Variants in ADGRV1 observed in about 807,000 individuals in gnomAD.
ADGRV1 encodes the protein adhesion G protein-coupled receptor V1, also known as G-protein coupled receptor 98.
In ADGRV1, 359 loss-of-function variants were observed where a neutral mutation model predicts 596.2. That is an observed-to-expected ratio of 0.60 (90% CI 0.55 to 0.66). ADGRV1 has a LOEUF of 0.66. Among genes scored for constraint, ADGRV1 ranks in the 30% least tolerant of loss-of-function variants. The pLI is 0.00. For synonymous variants in ADGRV1, 2,681 were observed against 2,679.2 expected, an observed-to-expected ratio of 1.00 and a Z score of -0.02; for missense variants, 7,274 against 7,575.6, an observed-to-expected ratio of 0.96 and a Z score of 1.48.
At position 90,676,106 on chromosome 5, in the gene ADGRV1, A is replaced by G; in HGVS notation, c.5340A>G (p.Gln1780=). 1 of 1,602,972 alleles carries G rather than the reference A, an allele frequency of 6.2e-7. No individual in the cohort carries two copies. The highest frequency in any genetic ancestry group is 8.5e-7 in the Non-Finnish European group (1 of 1,173,422). Residue 1780 remains glutamine, a synonymous_variant, in exon 25 of 90, where the codon CAA becomes CAG. Coordinates refer to ENST00000405460, the MANE Select transcript of ADGRV1 (RefSeq NM_032119.4). ...YQNVAGTLEF[Q]PGERYKYIFI... is the part of the protein sequence containing the mutation. ...ATGTTGCTGGCACATTAGAATTTCA[A>G]CCAGGAGAAAGATATAAATACATTT...
At position 90,564,656 on chromosome 5, in the gene ADGRV1, T is replaced by C. The variant is rs1430428805; in HGVS notation, c.22+5739T>C. Among the ~76,000 whole-genome samples the C allele has an allele frequency of 8.1e-5, 2 of 24,778 alleles. 1 individual carries two copies. The highest frequency in any genetic ancestry group is 1.5e-4 in the Non-Finnish European group (2 of 13,126). 16.3% of individuals were successfully genotyped at this position (24,778 alleles called of 152,430 possible). ...TTTTTTTTTTTTTTGAGACGGAGTC[T>C]CGCTCTGTCGCCCAGGCTGGAGTGC... On this transcript the variant is annotated intron_variant, in intron 1 of 89. Coordinates refer to ENST00000405460, the MANE Select transcript of ADGRV1 (RefSeq NM_032119.4).
At chr5:90,826,540 G>A (rs953490303) in intron 76 of ADGRV1, among the ~76,000 whole-genome samples, 4 of 152,144 alleles carry the variant, frequency 2.6e-5, no homozygotes, top group African/African-American at 9.7e-5. Context: ...GGGCTGTGAG[G>A]CAGATAAAGA....
At chr5:90,758,949 C>T (rs1756140216) in intron 57 of ADGRV1, among the ~76,000 whole-genome samples, 1 of 152,024 alleles carries the variant, frequency 6.6e-6, no homozygotes. Context: ...TTGTAGAAGA[C>T]TGGTAATTTT....
intron 75 of ADGRV1, among the ~76,000 whole-genome samples, chr5:90,823,182 T>C (rs536403334): frequency 6.6e-6 from 1 of 152,212 alleles, no homozygotes; most frequent in Non-Finnish European, 1.5e-5. Context: ...GGATACTTAT[T>C]CATTGTTGAA....
chr5:90,737,833 C>T (rs538473794), intron 50 of ADGRV1, among the ~76,000 whole-genome samples: 23 of 151,880 alleles, frequency 1.5e-4, no homozygotes, highest in African/African-American at 5.5e-4. Flanking sequence ...GGTAAATAGT[C>T]TCTTGTAGGC....
intron 27 of ADGRV1, among the ~76,000 whole-genome samples, chr5:90,682,762 A>G (rs796502263): frequency 3.3e-5 from 5 of 152,372 alleles, no homozygotes; most frequent in East Asian, 1.9e-4. Context: ...TGATGTAACC[A>G]TCATATTTCA....
chr5:91,087,307 T>C (rs113231698), intron 86 of ADGRV1, among the ~76,000 whole-genome samples: 1 of 152,176 alleles, frequency 6.6e-6, no homozygotes, highest in African/African-American at 2.4e-5. Flanking sequence ...TTTTTGTTTT[T>C]TGAGACGGAG....
intron 43 of ADGRV1, 61 bp from the exon 44 acceptor site, chr5:90,719,987 C>A: frequency 1.5e-6 from 2 of 1,309,640 alleles, no homozygotes; most frequent in Non-Finnish European, 2.2e-6. Context: ...GTAGATTTCG[C>A]TATATATGTG....
intron 85 of ADGRV1, among the ~76,000 whole-genome samples, chr5:91,015,245 G>A (rs1427012309): frequency 6.6e-6 from 1 of 152,002 alleles, no homozygotes; most frequent in Non-Finnish European, 1.5e-5. Flanking sequence ...GTTTGAGAGT[G>A]TGTTTGGTAT....
intron 7 of ADGRV1, 139 bp downstream of exon 7, chr5:90,627,915 A>AACACAC: frequency 9.4e-6 from 3 of 317,606 alleles, no homozygotes; most frequent in South Asian, 5.4e-5. Flanking sequence ...AAACTCAGAA[A>AACACAC]AGACACACAC....
intron 86 of ADGRV1, among the ~76,000 whole-genome samples, chr5:91,082,241 C>CAGTT (rs1157556040): frequency 6.6e-6 from 1 of 152,216 alleles, no homozygotes; most frequent in African/African-American, 2.4e-5. Context: ...CATTGTTTAT[C>CAGTT]AGTTTTGTAT....
chr5:90,709,454 C>A (rs1024047879), intron 39 of ADGRV1, among the ~76,000 whole-genome samples: 10 of 152,184 alleles, frequency 6.6e-5, no homozygotes, highest in African/African-American at 2.4e-4. Context: ...TGTTTAAACA[C>A]AAACTCCTCT....
At position 90,863,756 on chromosome 5, in the gene ADGRV1, G is replaced by A. The variant is rs1232441774; in HGVS notation, c.17756-1G>A. 7 of 1,609,766 alleles carry A rather than the reference G, an allele frequency of 4.3e-6. No individual in the cohort carries two copies. The highest frequency in any genetic ancestry group is 6.0e-6 in the Non-Finnish European group (7 of 1,176,194). On this transcript the variant is annotated splice_acceptor_variant, in intron 82 of 89. Coordinates refer to ENST00000405460, the MANE Select transcript of ADGRV1 (RefSeq NM_032119.4). LOFTEE classifies it high-confidence loss of function. ...ATATGTGGACTTTTTTGTTCCTACAGGTCTTTGCTTGGCTGTTCTTTCCCA... is the reference window on the plus strand; with the variant it reads ...ATATGTGGACTTTTTTGTTCCTACAAGTCTTTGCTTGGCTGTTCTTTCCCA...
chr5:90,983,083 G>C (rs1397148928), intron 84 of ADGRV1, among the ~76,000 whole-genome samples: 1 of 152,100 alleles, frequency 6.6e-6, no homozygotes, highest in Non-Finnish European at 1.5e-5. Context: ...TACTTCTCTA[G>C]AGTATATTTC....
At chr5:90,869,873 T>G (rs1561874105) in intron 83 of ADGRV1, among the ~76,000 whole-genome samples, 1 of 152,146 alleles carries the variant, frequency 6.6e-6, no homozygotes, top group Non-Finnish European at 1.5e-5. Flanking sequence ...ACAGAACTAG[T>G]ATTTGAACAC....
chr5:90,944,885 T>C (rs552702402), intron 83 of ADGRV1, among the ~76,000 whole-genome samples: 117 of 152,282 alleles, frequency 7.7e-4, no homozygotes, highest in African/African-American at 2.7e-3. Flanking sequence ...AAATGGGAAG[T>C]CCTTTTGATT....
intron 83 of ADGRV1, among the ~76,000 whole-genome samples, chr5:90,870,194 A>G (rs1344932415): frequency 6.6e-6 from 1 of 152,206 alleles, no homozygotes; most frequent in African/African-American, 2.4e-5. Flanking sequence ...ACCTGTGTAT[A>G]TAGAATACAT....
rs375445058 is a variant in ADGRV1, at chr5:90,853,355, A to G, written c.17276A>G (p.Asn5759Ser). The change falls in exon 80 of 90, where the codon AAT becomes AGT. Residue 5759 changes from asparagine to serine, a missense_variant. Physicochemically the swap from Asn to Ser is conservative, Grantham distance 46. Coordinates refer to ENST00000405460, the MANE Select transcript of ADGRV1 (RefSeq NM_032119.4). ...CTTCACTGGTATCCTCAGCAAATCA[A>G]TGGACACAAGTTTGAAGGAAAGGAA... ...LALHWYPQQI[N>S]GHKFEGKEGD... 3.1e-6 allele frequency: 5 copies of G among 1,613,392 alleles called. No individual in the cohort carries two copies. The African/African-American group carries it at 5.3e-5, about 17-fold the overall frequency.
chr5:90,997,687 A>C (rs978303991), intron 85 of ADGRV1, among the ~76,000 whole-genome samples: 1 of 152,192 alleles, frequency 6.6e-6, no homozygotes, highest in African/African-American at 2.4e-5. Flanking sequence ...CTTTGATTGG[A>C]GTACAGTGGA....
Sources: allele counts gnomAD v4.1 joint callset (sites outside exome capture counted in the v4.1 genomes callset), GRCh38; gene constraint gnomAD v4.1.1; transcripts MANE v1.5; gene names NCBI Gene and HGNC (gene_info 2026-07-23, HGNC 2026-07-21).